Variants in MTA3 observed in about 807,000 individuals in gnomAD.
The protein encoded by MTA3 is metastasis associated 1 family member 3.
In MTA3, 34 loss-of-function variants were observed where a neutral mutation model predicts 83.5. The ratio of observed to expected loss-of-function variants is 0.41; its 90% CI spans 0.31 to 0.54. The LOEUF is 0.54. Among genes scored for constraint, MTA3 ranks in the 20% least tolerant of loss-of-function variants. MTA3 has a pLI of 0.33. For missense variants in MTA3, 761 were observed against 726.4 expected (o/e 1.05, Z -0.55); for synonymous variants, 303 against 252.7 (o/e 1.20, Z -1.89).
At chr2:42,636,626 C>CTTTTT (rs869057645) in intron 4 of MTA3, among the ~76,000 whole-genome samples, 5 of 130,054 alleles carry the variant, frequency 3.8e-5, no homozygotes, top group African/African-American at 5.8e-5. Flanking sequence ...CTCTTTCTTT[C>CTTTTT]TTTTTTTTTT....
intron 15 of MTA3, among the ~76,000 whole-genome samples, chr2:42,720,541 A>G (rs1370523772): frequency 1.3e-5 from 2 of 152,048 alleles, no homozygotes; most frequent in African/African-American, 4.8e-5. Context: ...AAAATGTCAC[A>G]TGGTTATTGT....
intron 11 of MTA3, chr2:42,703,515 C>T (rs945529526): frequency 5.2e-5 from 8 of 152,404 alleles, no homozygotes; most frequent in African/African-American, 1.9e-4. Flanking sequence ...GAAACACAAC[C>T]ATGTTGCCTT....
rs752491505 is a variant in MTA3, at chr2:42,609,552, C to G, written c.285C>G (p.Arg95=). The G allele has an allele frequency of 4.3e-6, 7 of 1,613,728 alleles. No homozygotes were observed. Among genetic ancestry groups the G allele is most frequent in the African/African-American group, 4.0e-5 (3 of 74,998 alleles). Residue 95 remains arginine, a synonymous_variant, in exon 4 of 17, where the codon CGC becomes CGG. Coordinates refer to ENST00000405094, the MANE Select transcript of MTA3 (RefSeq NM_001330442.2). ...QLKHRELFLS[R]QYESLPATHI... is the part of the protein sequence containing the mutation. ...AACATAGGGAACTCTTTTTGTCACG[C>G]CAGTATGAATCTCTGCCCGCAACAC...
chr2:42,501,819 A>C (rs545619805), intron 2 of MTA3, among the ~76,000 whole-genome samples: 1 of 152,248 alleles, frequency 6.6e-6, no homozygotes, highest in Admixed American at 6.5e-5. Flanking sequence ...CTCTCCTAAA[A>C]GTACAAAAAT....
At chr2:42,648,920 A>T (rs943704112) in intron 6 of MTA3, among the ~76,000 whole-genome samples, 12 of 152,238 alleles carry the variant, frequency 7.9e-5, no homozygotes, top group Non-Finnish European at 1.8e-4. Context: ...TTAATTGAGT[A>T]ACCTTGGGGA....
At chr2:42,619,820 T>C (rs868746472) in intron 4 of MTA3, among the ~76,000 whole-genome samples, 19 of 152,206 alleles carry the variant, frequency 1.2e-4, no homozygotes, top group African/African-American at 4.1e-4. Context: ...TTTTTCTGTG[T>C]TGATTTTGCT....
At position 42,754,410 on chromosome 2, in the gene MTA3, G is replaced by A; in HGVS notation, c.*1011G>A. ...CCAGCCCAACATCTTGTGAGCACAT[G>A]TGACCTAGGCCCCGGGGGACCTGCC... On this transcript the variant is annotated 3_prime_UTR_variant, in exon 17 of 17. Coordinates refer to ENST00000405094, the MANE Select transcript of MTA3 (RefSeq NM_001330442.2). The A allele has an allele frequency of 3.0e-6, 3 of 985,456 alleles. No individual in the cohort carries two copies. The highest frequency in any genetic ancestry group is 3.6e-6 in the Non-Finnish European group (3 of 830,004). 61.0% of individuals were successfully genotyped at this position (985,456 alleles called of 1,614,324 possible).
chr2:42,584,527 AGTTG>A (rs1680039261), intron 3 of MTA3, among the ~76,000 whole-genome samples: 2 of 152,098 alleles, frequency 1.3e-5, no homozygotes. Flanking sequence ...TTTAATGGTA[AGTTG>A]GAGACTTCAG....
Position 42,644,249 on chromosome 2 carries a change from G to A in MTA3, c.499+5G>A, listed in dbSNP as rs1031788740. ...TTCCAGAAATGCTGTTAGAAGGTAC[G>A]TTTTTCTGCGTGTTTGCAGTTTTGT... is the stretch of plus-strand genomic sequence containing the variant. On this transcript the variant is annotated splice_donor_5th_base_variant and intron_variant, in intron 6 of 16. Coordinates refer to ENST00000405094, the MANE Select transcript of MTA3 (RefSeq NM_001330442.2). 5 of 1,579,836 alleles carry A rather than the reference G, an allele frequency of 3.2e-6. No homozygotes were observed. Among genetic ancestry groups the A allele is most frequent in the Admixed American group, 3.5e-5 (2 of 57,636 alleles).
chr2:42,542,971 G>A (rs866986336), intron 2 of MTA3, among the ~76,000 whole-genome samples: 17 of 152,038 alleles, frequency 1.1e-4, no homozygotes, highest in African/African-American at 3.1e-4. Flanking sequence ...AAGTCTCCCC[G>A]AGGAGTTTGG....
intron 4 of MTA3, among the ~76,000 whole-genome samples, chr2:42,613,478 T>C (rs533020353): frequency 6.6e-6 from 1 of 152,370 alleles, no homozygotes; most frequent in South Asian, 2.1e-4. Context: ...CATGCTGATG[T>C]AGAACAAGTG....
intron 4 of MTA3, among the ~76,000 whole-genome samples, chr2:42,632,771 C>G (rs1686809988): frequency 6.6e-6 from 1 of 152,112 alleles, no homozygotes; most frequent in Non-Finnish European, 1.5e-5. Flanking sequence ...CCAAACTTCT[C>G]TTTTTGGCTT....
chr2:42,636,135 T>G (rs765843491), intron 4 of MTA3, among the ~76,000 whole-genome samples: 1 of 152,132 alleles, frequency 6.6e-6, no homozygotes, highest in Non-Finnish European at 1.5e-5. Context: ...TTGTTAATCA[T>G]GTAGATTCCT....
At chr2:42,665,552 T>C (rs1690162083) in intron 8 of MTA3, among the ~76,000 whole-genome samples, 1 of 152,140 alleles carries the variant, frequency 6.6e-6, no homozygotes, top group Non-Finnish European at 1.5e-5. Flanking sequence ...GACTCCCTGT[T>C]TGGTGGTGTT....
intron 8 of MTA3, among the ~76,000 whole-genome samples, chr2:42,665,189 C>G (rs1251592927): frequency 2.0e-5 from 3 of 152,148 alleles, no homozygotes; most frequent in Non-Finnish European, 2.9e-5. Flanking sequence ...CAAAGGAGTT[C>G]GAGACCAGCC....
chr2:42,627,492 C>T (rs577967337), intron 4 of MTA3, among the ~76,000 whole-genome samples: 12 of 152,206 alleles, frequency 7.9e-5, no homozygotes, highest in African/African-American at 2.6e-4. Flanking sequence ...TTTGGTCTTC[C>T]AAAATTTTCT....
At chr2:42,648,181 G>C (rs1357728251) in intron 6 of MTA3, among the ~76,000 whole-genome samples, 1 of 152,162 alleles carries the variant, frequency 6.6e-6, no homozygotes, top group Non-Finnish European at 1.5e-5. Flanking sequence ...AGGGGGGAAG[G>C]AGTGGGGATA....
chr2:42,595,048 G>A (rs1006480821), intron 3 of MTA3, among the ~76,000 whole-genome samples: 18 of 132,932 alleles, frequency 1.4e-4, no homozygotes, highest in African/African-American at 5.0e-4. Context: ...CCACCACACT[G>A]GGCCATAGTT....
intron 3 of MTA3, among the ~76,000 whole-genome samples, chr2:42,608,233 C>A (rs1683741933): frequency 6.6e-6 from 1 of 152,110 alleles, no homozygotes; most frequent in Non-Finnish European, 1.5e-5. Flanking sequence ...TTTGTCAAAT[C>A]CTAATTAGGT....
Sources: gnomAD v4.1 joint callset for allele counts (sites outside exome capture counted in the v4.1 genomes callset) on GRCh38, gnomAD v4.1.1 for gene constraint, MANE v1.5 for transcripts, NCBI Gene and HGNC (gene_info 2026-07-23, HGNC 2026-07-21) for gene names.